The following FAM168B variants were observed in gnomAD, a reference collection of about 807,000 sequenced individuals.
The protein encoded by FAM168B is myelin-associated neurite-outgrowth inhibitor.
FAM168B carries 19 observed loss-of-function variants against 21.8 expected under a neutral mutation model. The observed-to-expected ratio is 0.87, with a 90% CI of 0.61 to 1.28. The LOEUF is 1.28. Among genes scored for constraint, FAM168B ranks in the 50% most tolerant of loss-of-function variants. The pLI, the probability that FAM168B is intolerant of heterozygous loss-of-function variation, is 0.00. For missense variants in FAM168B, 233 were observed against 263.1 expected, an observed-to-expected ratio of 0.89 and a Z score of 0.79; for synonymous variants, 126 against 104.8, an observed-to-expected ratio of 1.20 and a Z score of -1.24.
In FAM168B at chr2:131,050,062, TA is replaced by T; in HGVS notation, c.*2402del. 5 of 985,402 alleles carry T rather than the reference TA, an allele frequency of 5.1e-6. No homozygotes were observed. The highest frequency in any genetic ancestry group is 6.0e-6 in the Non-Finnish European group (5 of 829,910). 61.0% of individuals were successfully genotyped at this position (985,402 alleles called of 1,614,324 possible). On this transcript the variant is annotated 3_prime_UTR_variant, in exon 7 of 7. Transcript: ENST00000389915. ...TATTTCATAAAGCCTCTCAACTTCA[TA>T]AAAGGGAAAAAAGGTTAAGTTACAG...
intron 2 of FAM168B, among the ~76,000 whole-genome samples, chr2:131,074,137 T>C (rs1438177220): frequency 2.0e-5 from 3 of 150,360 alleles, no homozygotes; most frequent in African/African-American, 7.5e-5. Flanking sequence ...AAGTATTCTC[T>C]CTTTTTTTTT....
chr2:131,062,662 G>C (rs1260618123), intron 3 of FAM168B, among the ~76,000 whole-genome samples: 1 of 152,140 alleles, frequency 6.6e-6, no homozygotes. Flanking sequence ...TGGCCAGGCT[G>C]GTCTCGAAGT....
chr2:131,076,108 G>A (rs1693140924), intron 2 of FAM168B, among the ~76,000 whole-genome samples: 1 of 152,140 alleles, frequency 6.6e-6, no homozygotes, highest in East Asian at 1.9e-4. Flanking sequence ...CCCCAACACT[G>A]CTTTAGCTGG....
chr2:131,074,726 AG>A (rs780402682), intron 2 of FAM168B, among the ~76,000 whole-genome samples: 10 of 152,108 alleles, frequency 6.6e-5, no homozygotes, highest in African/African-American at 2.4e-4. Context: ...AGGTAAAAAC[AG>A]GGGGGATCTG....
At chr2:131,061,699 C>G (rs898483788) in intron 3 of FAM168B, among the ~76,000 whole-genome samples, 3 of 151,806 alleles carry the variant, frequency 2.0e-5, no homozygotes, top group Non-Finnish European at 4.4e-5. Flanking sequence ...GGAGAATCAG[C>G]TGAACCTGGG....
At chr2:131,069,940 CCT>C (rs1240238690) in intron 3 of FAM168B, among the ~76,000 whole-genome samples, 1 of 151,790 alleles carries the variant, frequency 6.6e-6, no homozygotes. Context: ...CTCACTGCAA[CCT>C]CTGTCTCCTG....
In FAM168B at chr2:131,049,956, A is replaced by C; in HGVS notation, c.*2509T>G. ...TCCTAAGTCCAGATTCTTACCTGAT[A>C]TCTACCTTTCGTATCTGACAGCTGA... On this transcript the variant is annotated 3_prime_UTR_variant, in exon 7 of 7. Transcript: ENST00000389915. 1.0e-6 allele frequency: 1 copy of C among 985,526 alleles called. No homozygotes were observed. Among genetic ancestry groups the C allele is most frequent in the East Asian group, 1.1e-4 (1 of 8,822 alleles). The allele number at this position is 985,526 out of a possible 1,614,324, so 61.0% of individuals were successfully genotyped here.
At chr2:131,053,091 T>C (rs750158719) in intron 5 of FAM168B, 76 bp from the exon 6 acceptor site, 41 of 1,457,220 alleles carry the variant, frequency 2.8e-5, no homozygotes, top group Non-Finnish European at 3.6e-5. Flanking sequence ...CACACAAGCC[T>C]GGCCTCTTTG....
At chr2:131,088,723 C>T (rs1016986949) in intron 1 of FAM168B, among the ~76,000 whole-genome samples, 1 of 152,162 alleles carries the variant, frequency 6.6e-6, no homozygotes, top group African/African-American at 2.4e-5. Flanking sequence ...CAAATAATCT[C>T]TACATCAAGT....
intron 1 of FAM168B, among the ~76,000 whole-genome samples, chr2:131,084,875 G>A (rs949564441): frequency 1.3e-5 from 2 of 152,054 alleles, no homozygotes. Context: ...GGTGTGCATC[G>A]CCACGTCTGG....
chr2:131,059,491 G>A (rs568931941), intron 3 of FAM168B, among the ~76,000 whole-genome samples: 12 of 152,224 alleles, frequency 7.9e-5, no homozygotes, highest in African/African-American at 1.4e-4. Context: ...CCCACTGTAC[G>A]GCTTAATCCC....
At chr2:131,084,922 TCA>T (rs375377997) in intron 1 of FAM168B, among the ~76,000 whole-genome samples, 5 of 152,164 alleles carry the variant, frequency 3.3e-5, no homozygotes, top group East Asian at 3.9e-4. Flanking sequence ...ACTACGTCAC[TCA>T]GTTTGGTCTT....
At chr2:131,056,594 G>A (rs931813067) in intron 3 of FAM168B, among the ~76,000 whole-genome samples, 1 of 152,176 alleles carries the variant, frequency 6.6e-6, no homozygotes, top group African/African-American at 2.4e-5. Flanking sequence ...GAGGGGTTTG[G>A]TCTCAGGGGA....
At chr2:131,058,878 C>G (rs1048736539) in intron 3 of FAM168B, among the ~76,000 whole-genome samples, 2 of 152,104 alleles carry the variant, frequency 1.3e-5, no homozygotes, top group Non-Finnish European at 2.9e-5. Context: ...TACGCCACAA[C>G]GAGGTTGTAT....
chr2:131,052,982 A>G lies in FAM168B; in HGVS notation c.509T>C (p.Val170Ala). The change falls in exon 6 of 7, where the codon GTC becomes GCC. Residue 170 changes from valine to alanine, a missense_variant. Physicochemically the swap from Val to Ala is moderately conservative, Grantham distance 64. Transcript: ENST00000389915. ...TLLTAHSPTPVAPHPVTVPTY... is the reference protein window; with the variant it reads ...TLLTAHSPTPAAPHPVTVPTY... ...GGGCACAGTGACCGGGTGGGGGGCG[A>G]CAGGAGTTGGGGAGTGAGCAGTCAG... 6.4e-7 allele frequency: 1 copy of G among 1,557,672 alleles called. No homozygotes were observed. The highest frequency in any genetic ancestry group is 1.4e-5 in the African/African-American group (1 of 73,562).
In FAM168B at chr2:131,050,859, T is replaced by G. The variant is rs1034784390; in HGVS notation, c.*1606A>C. 1 of 985,218 alleles carries G rather than the reference T, an allele frequency of 1.0e-6. No individual in the cohort carries two copies. The highest frequency in any genetic ancestry group is 1.8e-5 in the African/African-American group (1 of 57,106). The allele number at this position is 985,218 out of a possible 1,614,324, so 61.0% of individuals were successfully genotyped here. On this transcript the variant is annotated 3_prime_UTR_variant, in exon 7 of 7. Transcript: ENST00000389915. ...CACAGCACTCAAACCACCACTGCACTGGGAAGAAGACGCACGCTCCTGCCC... is the reference window on the plus strand; with the variant it reads ...CACAGCACTCAAACCACCACTGCACGGGGAAGAAGACGCACGCTCCTGCCC...
At chr2:131,083,515 T>C (rs1693526430) in intron 1 of FAM168B, among the ~76,000 whole-genome samples, 1 of 152,310 alleles carries the variant, frequency 6.6e-6, no homozygotes, top group East Asian at 1.9e-4. Flanking sequence ...CACTCCAACC[T>C]GGACAACAGA....
In FAM168B at chr2:131,051,909, G is replaced by C. The variant is rs1691701890; in HGVS notation, c.*556C>G. On this transcript the variant is annotated 3_prime_UTR_variant, in exon 7 of 7. Transcript: ENST00000389915. Reference sequence around the variant, plus strand: ...ACAGTCAGTGCCAAAGAAACAGGTCGCTGAAAACTAAAATGTCCACATCCC... The same window carrying C: ...ACAGTCAGTGCCAAAGAAACAGGTCCCTGAAAACTAAAATGTCCACATCCC... 4.1e-6 allele frequency: 4 copies of C among 985,410 alleles called. No homozygotes were observed. The highest frequency in any genetic ancestry group is 9.4e-5 in the South Asian group (2 of 21,292). 61.0% of individuals were successfully genotyped at this position (985,410 alleles called of 1,614,324 possible). A position where few individuals can be genotyped will look rare whatever the true frequency, so the allele number is the denominator to read the frequency against.
chr2:131,053,113 G>A (rs978542428), intron 5 of FAM168B, 98 bp from the exon 6 acceptor site: 5 of 1,420,116 alleles, frequency 3.5e-6, no homozygotes, highest in Non-Finnish European at 4.6e-6. Context: ...AAGGAGGAGG[G>A]TATACAGGAA....
Sources: allele counts gnomAD v4.1 joint callset (sites outside exome capture counted in the v4.1 genomes callset), GRCh38; gene constraint gnomAD v4.1.1; transcripts MANE v1.5; gene names NCBI Gene and HGNC (gene_info 2026-07-23, HGNC 2026-07-21).